Variants in PLPP1 observed in about 807,000 individuals in gnomAD.
PLPP1 encodes lipid phosphate phosphohydrolase 1a.
In PLPP1, 24 loss-of-function variants were observed where a neutral mutation model predicts 31.2. The ratio of observed to expected loss-of-function variants is 0.77; its 90% CI spans 0.56 to 1.08. The LOEUF (loss-of-function observed/expected upper bound fraction) is 1.08, where lower values mean the gene tolerates loss of function less well. Ranked by LOEUF, PLPP1 falls within the 50% of genes least tolerant of loss-of-function variation. The pLI is 0.00. For missense variants in PLPP1, 319 were observed against 342.7 expected, an observed-to-expected ratio of 0.93 and a Z score of 0.55; for synonymous variants, 146 against 126.3, an observed-to-expected ratio of 1.16 and a Z score of -1.05.
intron 1 of PLPP1, chr5:55,530,728 G>A: frequency 6.4e-7 from 1 of 1,572,816 alleles, no homozygotes; most frequent in Non-Finnish European, 8.8e-7. Context: ...ACGACACAGG[G>A]GACAATGTGC....
At chr5:55,530,442 G>T in intron 1 of PLPP1, 1 of 1,263,766 alleles carries the variant, frequency 7.9e-7, no homozygotes, top group Non-Finnish European at 1.2e-6. Context: ...ATGACCAGAA[G>T]AACTTGTATT....
At chr5:55,427,197 A>C (rs771057412) in intron 4 of PLPP1, among the ~76,000 whole-genome samples, 2 of 152,216 alleles carry the variant, frequency 1.3e-5, no homozygotes, top group Non-Finnish European at 2.9e-5. Flanking sequence ...GACTAAATTA[A>C]ATGCAGTCCT....
At chr5:55,493,392 C>A (rs1752938421) in intron 1 of PLPP1, among the ~76,000 whole-genome samples, 1 of 151,402 alleles carries the variant, frequency 6.6e-6, no homozygotes, top group African/African-American at 2.4e-5. Flanking sequence ...TCTCTGAATT[C>A]TGCAATTCTA....
chr5:55,511,664 T>G (rs911026171), intron 1 of PLPP1, among the ~76,000 whole-genome samples: 62 of 101,666 alleles, frequency 6.1e-4, no homozygotes, highest in African/African-American at 1.9e-3. Flanking sequence ...TTTTTTTTTT[T>G]TTTTTTTTTT....
chr5:55,531,380 A>G (rs1262779459), intron 1 of PLPP1, among the ~76,000 whole-genome samples: 1 of 152,232 alleles, frequency 6.6e-6, no homozygotes, highest in Non-Finnish European at 1.5e-5. Flanking sequence ...GGCATGTTTA[A>G]TGATCACTTC....
intron 3 of PLPP1, among the ~76,000 whole-genome samples, chr5:55,456,850 T>C (rs1394485472): frequency 6.6e-6 from 1 of 152,192 alleles, no homozygotes; most frequent in African/African-American, 2.4e-5. Flanking sequence ...CAAAGCTTAC[T>C]AAGGGAGCTT....
intron 1 of PLPP1, among the ~76,000 whole-genome samples, chr5:55,511,657 T>TTG (rs1304188856): frequency 8.6e-5 from 8 of 93,158 alleles, no homozygotes; most frequent in African/African-American, 2.6e-4. Flanking sequence ...TGAGTTTTTT[T>TTG]TTTTTTTTTT....
Position 55,475,425 on chromosome 5 carries a change from A to G in PLPP1, c.84T>C (p.Thr28=). Residue 28 remains threonine (T), a synonymous_variant, in exon 2 of 6, where the codon ACT becomes ACC. Transcript: ENST00000307259. ...LLAGLPFAIL[T]SRHTPFQRGV... is the part of the protein sequence containing the mutation. Reference sequence around the variant, plus strand: ...CTCGTTGGAAGGGGGTATGCCTTGAAGTAAGAATTGCAAAAGGCAATCCAG... The same window carrying G: ...CTCGTTGGAAGGGGGTATGCCTTGAGGTAAGAATTGCAAAAGGCAATCCAG... 6.2e-7 allele frequency: 1 copy of G among 1,605,260 alleles called. No individual in the cohort carries two copies. Among genetic ancestry groups the G allele is most frequent in the Non-Finnish European group, 8.5e-7 (1 of 1,177,654 alleles).
At chr5:55,514,951 T>C (rs189576871) in intron 1 of PLPP1, among the ~76,000 whole-genome samples, 52 of 152,358 alleles carry the variant, frequency 3.4e-4, no homozygotes, top group Non-Finnish European at 7.3e-4. Flanking sequence ...CATCAGCTTA[T>C]TGAGTGCCTA....
intron 3 of PLPP1, among the ~76,000 whole-genome samples, chr5:55,467,501 C>T (rs1198851615): frequency 6.7e-6 from 1 of 149,572 alleles, no homozygotes; most frequent in Non-Finnish European, 1.5e-5. Flanking sequence ...GCCTAGGCAA[C>T]ATAGTGAGAC....
At chr5:55,427,531 C>T (rs1260111326) in intron 4 of PLPP1, among the ~76,000 whole-genome samples, 5 of 152,162 alleles carry the variant, frequency 3.3e-5, no homozygotes, top group Non-Finnish European at 2.9e-5. Flanking sequence ...TGGACTTAAG[C>T]TAGTCCCATG....
intron 1 of PLPP1, among the ~76,000 whole-genome samples, chr5:55,517,650 A>AGTAG (rs1561255026): frequency 6.6e-6 from 1 of 152,232 alleles, no homozygotes; most frequent in Non-Finnish European, 1.5e-5. Context: ...ACTTCAGGCA[A>AGTAG]TGTAAATCAC....
chr5:55,508,616 G>C (rs183679934), intron 1 of PLPP1, among the ~76,000 whole-genome samples: 1 of 152,302 alleles, frequency 6.6e-6, no homozygotes, highest in Admixed American at 6.5e-5. Flanking sequence ...ATAATAAACA[G>C]GGTGAAATTA....
At chr5:55,526,311 G>GT (rs1249306219) in intron 1 of PLPP1, among the ~76,000 whole-genome samples, 10 of 152,058 alleles carry the variant, frequency 6.6e-5, no homozygotes, top group Non-Finnish European at 2.9e-5. Context: ...AATCTATAAG[G>GT]GGAACGTTTT....
At chr5:55,443,012 G>A (rs891542588) in intron 3 of PLPP1, among the ~76,000 whole-genome samples, 3 of 150,998 alleles carry the variant, frequency 2.0e-5, no homozygotes, top group Non-Finnish European at 4.4e-5. Context: ...AAGAGGGACC[G>A]GCTCTTAAGT....
intron 1 of PLPP1, chr5:55,490,900 A>T: frequency 6.6e-7 from 1 of 1,518,298 alleles, no homozygotes; most frequent in Non-Finnish European, 9.0e-7. Flanking sequence ...CCCCAACTCC[A>T]TGCTTCATCC....
chr5:55,497,072 A>G (rs1031513452), intron 1 of PLPP1, among the ~76,000 whole-genome samples: 5 of 152,322 alleles, frequency 3.3e-5, no homozygotes, highest in African/African-American at 1.2e-4. Flanking sequence ...AATTTTCTCT[A>G]AAGATCTCAT....
Position 55,468,076 on chromosome 5 carries a change from A to G in PLPP1, c.284T>C (p.Ile95Thr). The G allele has an allele frequency of 6.2e-7, 1 of 1,613,988 alleles. No homozygotes were observed. The highest frequency in any genetic ancestry group is 1.1e-5 in the South Asian group (1 of 91,068). ...TCCAATGGCTTTGTAAATAGTGGCT[A>G]TGTAGTTATTCCTGATAAAGGAATT... Reference protein sequence around the residue: ...HSNSFIRNNYIATIYKAIGTF... With the variant: ...HSNSFIRNNYTATIYKAIGTF... Residue 95 changes from isoleucine to threonine, a missense_variant, in exon 3 of 6, where the codon ATA (isoleucine) becomes ACA (threonine). By Grantham distance (89) the Ile-to-Thr change is moderately conservative. Transcript: ENST00000307259.
intron 1 of PLPP1, among the ~76,000 whole-genome samples, chr5:55,485,334 G>C (rs1752753347): frequency 6.6e-6 from 1 of 152,116 alleles, no homozygotes; most frequent in Non-Finnish European, 1.5e-5. Flanking sequence ...GAGTTACATG[G>C]GTATGTGTAG....
Sources: allele counts gnomAD v4.1 joint callset (sites outside exome capture counted in the v4.1 genomes callset), GRCh38; gene constraint gnomAD v4.1.1; transcripts MANE v1.5; gene names NCBI Gene and HGNC (gene_info 2026-07-23, HGNC 2026-07-21).